Variants in RIN3 observed in about 807,000 individuals in gnomAD.
RIN3 encodes the protein RAB5 interacting protein 3.
A neutral mutation model predicts 76.3 loss-of-function variants in RIN3; 54 were observed. The observed-to-expected ratio is 0.71, with a 90% CI of 0.57 to 0.89. RIN3 has a LOEUF of 0.89. RIN3 is among the 40% of genes least tolerant of loss of function. RIN3 has a pLI of 0.00. For synonymous variants in RIN3, 576 were observed against 564.0 expected (o/e 1.02, Z -0.30); for missense variants, 1,256 against 1,322.1 (o/e 0.95, Z 0.78).
intron 4 of RIN3, among the ~76,000 whole-genome samples, chr14:92,622,766 G>A (rs764254423): frequency 6.6e-6 from 1 of 152,242 alleles, no homozygotes; most frequent in Non-Finnish European, 1.5e-5. Context: ...ACAGCAGAGA[G>A]AGGGAGGGCT....
chr14:92,534,725 G>A (rs969684026), intron 1 of RIN3, among the ~76,000 whole-genome samples: 1 of 152,036 alleles, frequency 6.6e-6, no homozygotes. Flanking sequence ...CAGGCAGGGG[G>A]TCTCTGCTGG....
intron 5 of RIN3, among the ~76,000 whole-genome samples, chr14:92,649,982 C>T (rs1482178931): frequency 2.0e-5 from 3 of 152,170 alleles, no homozygotes; most frequent in African/African-American, 4.8e-5. Flanking sequence ...ACCCTGATTG[C>T]GTTGGTGACC....
rs1887530220 is a variant in RIN3, at chr14:92,653,020, G to A, written c.1971G>A (p.Gln657=). 6.2e-7 allele frequency: 1 copy of A among 1,611,140 alleles called. No individual in the cohort carries two copies. The highest frequency in any genetic ancestry group is 8.5e-7 in the Non-Finnish European group (1 of 1,179,976). The part of the protein sequence containing the change: ...MMTQLKSYLL[Q]STELKALVDP... ...CCCAGCTCAAGAGCTACCTGCTGCA[G>A]AGCACCGAGCTCAAGGCCCTGGTGG... The change falls in exon 6 of 10, where the codon CAG becomes CAA. Residue 657 remains glutamine (Q), a synonymous_variant. Coordinates refer to ENST00000216487, the MANE Select transcript of RIN3 (RefSeq NM_024832.5).
chr14:92,649,135 C>T (rs771609461), intron 5 of RIN3, among the ~76,000 whole-genome samples: 17 of 152,146 alleles, frequency 1.1e-4, no homozygotes, highest in Non-Finnish European at 1.9e-4. Flanking sequence ...TATGCCCAGC[C>T]GAGGACCCCA....
At position 92,555,772 on chromosome 14, in the gene RIN3, A is replaced by G; in HGVS notation, c.66A>G (p.Lys22=). ...DPTGPVPVVG[K]GEEEEEEDGM... ...TCAGTCCGGTTCCAGTTGTTGGCAAAGGAGAGGAAGAGGAAGAGGAAGATG... is the reference window on the plus strand; with the variant it reads ...TCAGTCCGGTTCCAGTTGTTGGCAAGGGAGAGGAAGAGGAAGAGGAAGATG... The change falls in exon 2 of 10, where the codon AAA becomes AAG. Residue 22 remains lysine, a synonymous_variant. Coordinates refer to ENST00000216487, the MANE Select transcript of RIN3 (RefSeq NM_024832.5). 1 of 1,614,072 alleles carries G rather than the reference A, an allele frequency of 6.2e-7. No homozygotes were observed.
chr14:92,544,053 A>G (rs938234192), intron 1 of RIN3, among the ~76,000 whole-genome samples: 6 of 152,064 alleles, frequency 3.9e-5, no homozygotes, highest in African/African-American at 4.8e-5. Flanking sequence ...ACCATTTGCT[A>G]AAAGTCAGCT....
intron 7 of RIN3, among the ~76,000 whole-genome samples, chr14:92,660,396 C>G (rs1887839803): frequency 6.6e-6 from 1 of 151,382 alleles, no homozygotes. Flanking sequence ...CTGTTGGCTG[C>G]TCTGGGATGG....
intron 5 of RIN3, among the ~76,000 whole-genome samples, chr14:92,645,463 T>C (rs1407076807): frequency 6.6e-6 from 1 of 152,230 alleles, no homozygotes; most frequent in Non-Finnish European, 1.5e-5. Context: ...TGGTGCAGCA[T>C]GGAATAACCT....
chr14:92,542,046 AT>A (rs1206082165), intron 1 of RIN3, among the ~76,000 whole-genome samples: 3 of 152,200 alleles, frequency 2.0e-5, no homozygotes, highest in Non-Finnish European at 4.4e-5. Context: ...TAATCCCAAC[AT>A]TTTGGAAAGC....
In RIN3 at chr14:92,643,066, T is replaced by A. The variant is rs111520735; in HGVS notation, c.532+1737T>A. ...TCTCATGGTGCCTCTTAACTCTTTTTTTTTTGAGATGGAGTCTCACTCTGT... is the reference window on the plus strand; with the variant it reads ...TCTCATGGTGCCTCTTAACTCTTTTATTTTTGAGATGGAGTCTCACTCTGT... On this transcript the variant is annotated intron_variant, in intron 5 of 9. Transcript: ENST00000216487. This position sits in a 1 kb window ranked among gnomAD's most constrained non-coding sequence, Gnocchi z 4.8. 0.11 allele frequency among the ~76,000 whole-genome samples: 16,857 copies of A among 152,118 alleles called. 1,047 individuals are homozygous for A. The highest frequency in any genetic ancestry group is 0.14 in the Non-Finnish European group (9,505 of 67,970).
At chr14:92,593,145 A>G (rs1395168498) in intron 3 of RIN3, among the ~76,000 whole-genome samples, 1 of 152,226 alleles carries the variant, frequency 6.6e-6, no homozygotes, top group African/African-American at 2.4e-5. Context: ...CTCTAGGACA[A>G]CCACTAAAAA....
chr14:92,599,700 G>A (rs907583153), intron 3 of RIN3, among the ~76,000 whole-genome samples: 3 of 152,146 alleles, frequency 2.0e-5, no homozygotes, highest in Non-Finnish European at 4.4e-5. Context: ...AGCGTCACCA[G>A]CACAAGGGCA....
chr14:92,583,169 G>T (rs1884621592), intron 3 of RIN3, among the ~76,000 whole-genome samples: 1 of 152,194 alleles, frequency 6.6e-6, no homozygotes, highest in South Asian at 2.1e-4. Flanking sequence ...GGGGGAAGTG[G>T]TCAAGGGAAA....
At chr14:92,664,364 C>CTTTCTTTTT (rs1555392802) in intron 7 of RIN3, among the ~76,000 whole-genome samples, 1 of 84,446 alleles carries the variant, frequency 1.2e-5, no homozygotes, top group Non-Finnish European at 2.3e-5. Flanking sequence ...TTCTTTCTTT[C>CTTTCTTTTT]TTTTTTTTTT....
intron 3 of RIN3, among the ~76,000 whole-genome samples, chr14:92,595,149 G>A (rs1885109629): frequency 6.6e-6 from 1 of 152,322 alleles, no homozygotes; most frequent in Admixed American, 6.5e-5. Context: ...CTCAAATCTA[G>A]TCAAGGAGGC....
chr14:92,532,254 A>G (rs1896900143), intron 1 of RIN3, among the ~76,000 whole-genome samples: 2 of 152,088 alleles, frequency 1.3e-5, no homozygotes, highest in African/African-American at 2.4e-5. Context: ...CTAGGCTTAA[A>G]GAGGGAGGGA....
intron 3 of RIN3, among the ~76,000 whole-genome samples, chr14:92,579,038 C>T (rs1322137343): frequency 6.6e-6 from 1 of 152,094 alleles, no homozygotes; most frequent in Non-Finnish European, 1.5e-5. Flanking sequence ...AGCGATTCTC[C>T]TGCCTCAGCC....
intron 8 of RIN3, among the ~76,000 whole-genome samples, chr14:92,679,970 T>G (rs1360228031): frequency 1.3e-5 from 2 of 152,200 alleles, no homozygotes; most frequent in Middle Eastern, 6.3e-3. Flanking sequence ...GCTCTCGTAT[T>G]CTGCAGTGGT....
intron 4 of RIN3, among the ~76,000 whole-genome samples, chr14:92,640,152 C>T (rs1397536655): frequency 1.4e-4 from 16 of 116,370 alleles, no homozygotes; most frequent in East Asian, 2.7e-4. Context: ...GTGTGTTCAT[C>T]GGGGGCTGCC....
Sources: allele counts gnomAD v4.1 joint callset (sites outside exome capture counted in the v4.1 genomes callset), GRCh38; gene constraint gnomAD v4.1.1; non-coding constraint Gnocchi (gnomAD v3.1); transcripts MANE v1.5; gene names NCBI Gene and HGNC (gene_info 2026-07-23, HGNC 2026-07-21).